The following PDE4D variants were observed in gnomAD, a reference collection of about 807,000 sequenced individuals.
PDE4D encodes the protein phosphodiesterase 4D.
A neutral mutation model predicts 87.4 loss-of-function variants in PDE4D; 24 were observed. The ratio of observed to expected loss-of-function variants is 0.27; its 90% CI spans 0.20 to 0.39. The LOEUF is 0.39. PDE4D is among the 10% of genes least tolerant of loss of function. The pLI, the probability that PDE4D is intolerant of heterozygous loss-of-function variation, is 1.00. For missense variants in PDE4D, 714 were observed against 1,041.0 expected (o/e 0.69, Z 4.32); for synonymous variants, 384 against 383.2 (o/e 1.00, Z -0.02).
chr5:59,674,982 C>T (rs183137128), intron 1 of PDE4D, among the ~76,000 whole-genome samples: 66 of 152,276 alleles, frequency 4.3e-4, no homozygotes, highest in African/African-American at 1.3e-3. Flanking sequence ...GGCATACATG[C>T]GTCATTATGA....
intron 1 of PDE4D, among the ~76,000 whole-genome samples, chr5:60,487,334 G>T (rs1047167181): frequency 6.6e-6 from 1 of 152,160 alleles, no homozygotes; most frequent in Admixed American, 6.5e-5. Context: ...CAAGCGCATG[G>T]TTTTTCATTC....
intron 1 of PDE4D, among the ~76,000 whole-genome samples, chr5:59,224,293 TACACAC>T (rs35273659): frequency 0.011 from 1,509 of 135,464 alleles, 26 homozygotes; most frequent in East Asian, 0.061. Flanking sequence ...CACACACACA[TACACAC>T]ACACACACAC....
chr5:59,704,042 C>T (rs896447020), intron 1 of PDE4D, among the ~76,000 whole-genome samples: 6 of 152,018 alleles, frequency 3.9e-5, no homozygotes, highest in Non-Finnish European at 5.9e-5. Flanking sequence ...TAACACATGA[C>T]CTCCAGCTCG....
At chr5:59,449,915 G>T (rs1014674274) in intron 1 of PDE4D, among the ~76,000 whole-genome samples, 1 of 152,180 alleles carries the variant, frequency 6.6e-6, no homozygotes, top group Non-Finnish European at 1.5e-5. Flanking sequence ...ATGAAGCAAA[G>T]ATTTGAACTA....
chr5:59,365,362 G>A (rs1166725601), intron 1 of PDE4D, among the ~76,000 whole-genome samples: 1 of 152,066 alleles, frequency 6.6e-6, no homozygotes, highest in Non-Finnish European at 1.5e-5. Flanking sequence ...GGGAGGCCGA[G>A]GTGGGAGAAT....
At chr5:59,650,488 A>G (rs1743266293) in intron 1 of PDE4D, among the ~76,000 whole-genome samples, 1 of 152,238 alleles carries the variant, frequency 6.6e-6, no homozygotes, top group Admixed American at 6.5e-5. Context: ...TCTGCTGTAT[A>G]GCCAGCAATG....
At chr5:60,335,155 C>T (rs185479712) in intron 1 of PDE4D, 1 of 152,332 alleles carries the variant, frequency 6.6e-6, no homozygotes, top group Admixed American at 6.5e-5. Flanking sequence ...GGAAGCCAGA[C>T]ACTAGTTAAA....
intron 1 of PDE4D, among the ~76,000 whole-genome samples, chr5:59,828,730 T>C (rs964094599): frequency 2.6e-5 from 4 of 152,046 alleles, no homozygotes; most frequent in Admixed American, 2.6e-4. Flanking sequence ...TATATACAAC[T>C]GAGGGAATAA....
intron 1 of PDE4D, among the ~76,000 whole-genome samples, chr5:59,440,827 G>C (rs932965073): frequency 1.3e-5 from 2 of 152,064 alleles, no homozygotes; most frequent in Non-Finnish European, 2.9e-5. Context: ...AGGTTCATTA[G>C]AAGCCATGGG....
At chr5:59,395,110 C>A (rs1174356725) in intron 1 of PDE4D, among the ~76,000 whole-genome samples, 1 of 152,000 alleles carries the variant, frequency 6.6e-6, no homozygotes, top group Non-Finnish European at 1.5e-5. Context: ...ATTGCTAGCA[C>A]AGCAGTCTGA....
At chr5:59,005,862 G>A (rs932529310) in intron 6 of PDE4D, among the ~76,000 whole-genome samples, 3 of 152,194 alleles carry the variant, frequency 2.0e-5, no homozygotes, top group Non-Finnish European at 4.4e-5. Flanking sequence ...TAATTAGGCT[G>A]ATGCAAACTC....
intron 1 of PDE4D, among the ~76,000 whole-genome samples, chr5:59,341,562 T>G (rs1449903512): frequency 6.6e-6 from 1 of 152,240 alleles, no homozygotes; most frequent in Non-Finnish European, 1.5e-5. Flanking sequence ...TTCTTAACAC[T>G]GAAAGTTTTT....
intron 1 of PDE4D, among the ~76,000 whole-genome samples, chr5:59,796,697 T>G (rs985827394): frequency 6.6e-6 from 1 of 152,230 alleles, no homozygotes; most frequent in African/African-American, 2.4e-5. Flanking sequence ...TTTTTCATCT[T>G]CTTAGATGAC....
intron 2 of PDE4D, among the ~76,000 whole-genome samples, chr5:60,154,683 A>C (rs1022372635): frequency 6.6e-6 from 1 of 152,224 alleles, no homozygotes; most frequent in Non-Finnish European, 1.5e-5. Flanking sequence ...CTGATCAAAA[A>C]GCAGCATATT....
At chr5:59,019,870 GCTATCTAT>G (rs70973175) in intron 6 of PDE4D, among the ~76,000 whole-genome samples, 15,722 of 149,934 alleles carry the variant, frequency 0.1, 994 homozygotes, top group African/African-American at 0.17. Flanking sequence ...TATATGTTTC[GCTATCTAT>G]CTATCTATCT....
chr5:59,334,182 T>C (rs1777227775), intron 1 of PDE4D, among the ~76,000 whole-genome samples: 2 of 151,764 alleles, frequency 1.3e-5, no homozygotes, highest in South Asian at 4.2e-4. Flanking sequence ...TGGCCACTTG[T>C]TTGATAATAT....
chr5:59,926,743 G>C (rs1755334372), intron 3 of PDE4D, among the ~76,000 whole-genome samples: 1 of 152,066 alleles, frequency 6.6e-6, no homozygotes, highest in African/African-American at 2.4e-5. Context: ...GCTACTATAA[G>C]CAACTACATG....
At chr5:59,953,197 A>G (rs1176073258) in intron 3 of PDE4D, among the ~76,000 whole-genome samples, 1 of 152,100 alleles carries the variant, frequency 6.6e-6, no homozygotes, top group African/African-American at 2.4e-5. Flanking sequence ...TTATGTAGAA[A>G]TGTTTACAGA....
At chr5:60,351,075 G>A (rs1320899230) in intron 1 of PDE4D, among the ~76,000 whole-genome samples, 1 of 152,152 alleles carries the variant, frequency 6.6e-6, no homozygotes, top group Admixed American at 6.5e-5. Context: ...ATTTTTGGCA[G>A]TATTCTCTGA....
Sources: gnomAD v4.1 joint callset for allele counts (sites outside exome capture counted in the v4.1 genomes callset) on GRCh38, gnomAD v4.1.1 for gene constraint, MANE v1.5 for transcripts, NCBI Gene and HGNC (gene_info 2026-07-23, HGNC 2026-07-21) for gene names.